PTPRG: variants seen among roughly 807,000 people sequenced by gnomAD.
PTPRG encodes the protein protein tyrosine phosphatase receptor type G.
A neutral mutation model predicts 165.3 loss-of-function variants in PTPRG; 102 were observed. The ratio of observed to expected loss-of-function variants is 0.62; its 90% CI spans 0.53 to 0.73. The LOEUF is 0.73. Ranked by LOEUF, PTPRG falls within the 30% of genes least tolerant of loss-of-function variation. The probability of loss-of-function intolerance (pLI) is 0.00; values close to 1 mark genes in which losing one functional copy is unlikely to be tolerated. For missense variants in PTPRG, 1,866 were observed against 1,861.4 expected (o/e 1.00, Z -0.05); for synonymous variants, 675 against 669.5 (o/e 1.01, Z -0.13).
At chr3:61,651,788 T>A (rs1387554551) in intron 1 of PTPRG, among the ~76,000 whole-genome samples, 2 of 152,154 alleles carry the variant, frequency 1.3e-5, no homozygotes, top group East Asian at 1.9e-4. Flanking sequence ...GGTAGGTGGA[T>A]CACTTGAGGT....
At chr3:61,844,328 C>T (rs1003838357) in intron 2 of PTPRG, among the ~76,000 whole-genome samples, 4 of 152,124 alleles carry the variant, frequency 2.6e-5, no homozygotes, top group Admixed American at 2.0e-4. Context: ...GCGTATTAGC[C>T]TTGCTAGATA....
At chr3:61,994,039 A>C (rs1323992750) in intron 3 of PTPRG, among the ~76,000 whole-genome samples, 1 of 152,212 alleles carries the variant, frequency 6.6e-6, no homozygotes, top group Non-Finnish European at 1.5e-5. Context: ...TATCTTCACA[A>C]GACAGATAGC....
intron 4 of PTPRG, among the ~76,000 whole-genome samples, chr3:62,024,476 G>C (rs776760217): frequency 1.3e-5 from 2 of 152,158 alleles, no homozygotes; most frequent in Non-Finnish European, 2.9e-5. Flanking sequence ...CACTGCTACT[G>C]TGATTAAGTG....
At chr3:62,136,070 C>T (rs1159363667) in intron 6 of PTPRG, among the ~76,000 whole-genome samples, 1 of 152,128 alleles carries the variant, frequency 6.6e-6, no homozygotes, top group Non-Finnish European at 1.5e-5. Flanking sequence ...CTCAGGGGTG[C>T]ACGCTTAAGA....
intron 4 of PTPRG, among the ~76,000 whole-genome samples, chr3:62,023,836 T>A (rs188561640): frequency 6.6e-6 from 1 of 152,136 alleles, no homozygotes; most frequent in Non-Finnish European, 1.5e-5. Flanking sequence ...TCAGTAAATA[T>A]GAAGTTTTTC....
intron 8 of PTPRG, among the ~76,000 whole-genome samples, chr3:62,188,405 C>T (rs1348630839): frequency 6.6e-6 from 1 of 152,108 alleles, no homozygotes; most frequent in African/African-American, 2.4e-5. Context: ...ATTCTAGTGC[C>T]ATCCACATCC....
intron 7 of PTPRG, among the ~76,000 whole-genome samples, chr3:62,164,973 C>G (rs889902759): frequency 6.9e-4 from 105 of 152,310 alleles, no homozygotes; most frequent in African/African-American, 2.5e-3. Context: ...CGGTCTAATT[C>G]ACGATGTATG....
chr3:62,252,645 G>A lies in PTPRG; in HGVS notation c.2468-2479G>A, dbSNP rs558799697. Among the ~76,000 whole-genome samples, 13 of 152,256 alleles carry A rather than the reference G, an allele frequency of 8.5e-5. No individual in the cohort carries two copies. Among genetic ancestry groups the A allele is most frequent in the Non-Finnish European group, 1.6e-4 (11 of 68,016 alleles). On this transcript the variant is annotated intron_variant, in intron 15 of 29. Coordinates refer to ENST00000474889, the MANE Select transcript of PTPRG (RefSeq NM_002841.4). This position sits in a 1 kb window ranked among gnomAD's most constrained non-coding sequence, Gnocchi z 4.6. ...GTCCTAATTGCTTGGCCTTCTGCTA[G>A]TTACATTGATTTTATAATCATCTGG...
intron 1 of PTPRG, among the ~76,000 whole-genome samples, chr3:61,733,141 T>C (rs1575617427): frequency 6.6e-6 from 1 of 152,344 alleles, no homozygotes. Flanking sequence ...ACAGATTCTA[T>C]GAAATTAGAA....
intron 2 of PTPRG, among the ~76,000 whole-genome samples, chr3:61,860,229 G>C (rs146770878): frequency 3.9e-5 from 6 of 152,214 alleles, no homozygotes; most frequent in Non-Finnish European, 7.4e-5. Context: ...GCACTAAGAA[G>C]GGAATCCTTC....
chr3:61,699,645 T>G (rs575141998), intron 1 of PTPRG, among the ~76,000 whole-genome samples: 73 of 152,354 alleles, frequency 4.8e-4, no homozygotes, highest in Non-Finnish European at 1.3e-4. Context: ...GGTAGGTGTT[T>G]ATGAAAGCAG....
chr3:61,934,614 A>G (rs2039440340), intron 2 of PTPRG, among the ~76,000 whole-genome samples: 1 of 151,870 alleles, frequency 6.6e-6, no homozygotes, highest in African/African-American at 2.4e-5. Flanking sequence ...TCCTGCCATC[A>G]TATCTGCATT....
rs560666739 is a variant in PTPRG at position 61,568,775 on chromosome 3, G to T, written c.85+6403G>T. ...ATACAAAAATTAGCTGGGCATGGTG[G>T]TGCACACCTGTAGTCCCAGCTACTC... is the stretch of plus-strand genomic sequence containing the variant. On this transcript the variant is annotated intron_variant, in intron 1 of 29. Coordinates refer to ENST00000474889, the MANE Select transcript of PTPRG (RefSeq NM_002841.4). Among the ~76,000 whole-genome samples, 9 of 152,158 alleles carry T rather than the reference G, an allele frequency of 5.9e-5. No individual in the cohort carries two copies. The South Asian group carries it at 1.9e-3, about 32-fold the overall frequency.
chr3:61,742,274 C>G (rs2033020159), intron 1 of PTPRG, among the ~76,000 whole-genome samples: 1 of 152,010 alleles, frequency 6.6e-6, no homozygotes, highest in Non-Finnish European at 1.5e-5. Context: ...AACATTTATT[C>G]TTATAAACTA....
chr3:61,995,022 C>T (rs556002756), intron 3 of PTPRG, among the ~76,000 whole-genome samples: 2 of 151,670 alleles, frequency 1.3e-5, no homozygotes, highest in African/African-American at 2.4e-5. Flanking sequence ...CACCAGGCTA[C>T]CACTTTAGAT....
intron 2 of PTPRG, among the ~76,000 whole-genome samples, chr3:61,842,577 A>G (rs566800339): frequency 2.6e-5 from 4 of 151,756 alleles, no homozygotes; most frequent in Admixed American, 6.6e-5. Context: ...CATTTAAATT[A>G]TGCTGTAACA....
chr3:62,145,485 G>A (rs1704085241), intron 6 of PTPRG, among the ~76,000 whole-genome samples: 1 of 152,160 alleles, frequency 6.6e-6, no homozygotes, highest in Non-Finnish European at 1.5e-5. Context: ...TAGTAAAATG[G>A]AATGCATGTT....
chr3:62,062,775 A>T (rs560306825), intron 4 of PTPRG, among the ~76,000 whole-genome samples: 58 of 152,154 alleles, frequency 3.8e-4, no homozygotes, highest in Middle Eastern at 3.4e-3. Flanking sequence ...TGATTGCTCT[A>T]CTTCAGCCTC....
intron 4 of PTPRG, among the ~76,000 whole-genome samples, chr3:62,060,379 G>A (rs956729678): frequency 4.6e-5 from 7 of 152,130 alleles, no homozygotes; most frequent in Admixed American, 4.6e-4. Flanking sequence ...GCAGTAATAG[G>A]TAAATAGAAA....
Sources: gnomAD v4.1 joint callset for allele counts (sites outside exome capture counted in the v4.1 genomes callset) on GRCh38, gnomAD v4.1.1 for gene constraint, Gnocchi (gnomAD v3.1) non-coding constraint, MANE v1.5 for transcripts, NCBI Gene and HGNC (gene_info 2026-07-23, HGNC 2026-07-21) for gene names.